SYNE2: variants seen among roughly 807,000 people sequenced by gnomAD.
SYNE2 encodes the protein spectrin repeat containing nuclear envelope protein 2.
SYNE2 carries 431 observed loss-of-function variants against 856.3 expected under a neutral mutation model. The observed-to-expected ratio is 0.50, with a 90% confidence interval of 0.47 to 0.55. The LOEUF is 0.55. SYNE2 is among the 20% of genes least tolerant of loss of function. SYNE2 has a pLI of 0.00. For synonymous variants in SYNE2, 2,923 were observed against 2,872.3 expected, an observed-to-expected ratio of 1.02 and a Z score of -0.56; for missense variants, 8,129 against 8,023.2, an observed-to-expected ratio of 1.01 and a Z score of -0.50.
intron 84 of SYNE2, among the ~76,000 whole-genome samples, chr14:64,150,093 C>G (rs868334504): frequency 2.8e-5 from 4 of 140,670 alleles, no homozygotes; most frequent in Non-Finnish European, 3.0e-5. Context: ...CTCACTTCAG[C>G]CTTGAGCTCC....
At position 63,994,064 on chromosome 14, in the gene SYNE2, G is replaced by A. The variant is rs540701942; in HGVS notation, c.2781+95G>A. 341 of 1,308,098 alleles carry A rather than the reference G, an allele frequency of 2.6e-4. 4 individuals are homozygous for A. In the South Asian group the frequency reaches 3.3e-3, roughly 13 times the overall value. 81.0% of individuals were successfully genotyped at this position (1,308,098 alleles called of 1,614,324 possible). ...CCATTCCTGGGGTTTTCCTGTCTAC[G>A]TTGTATCACCAGTGGGCTGGTCCCT... On this transcript the variant is annotated intron_variant, in intron 22 of 115. Coordinates refer to ENST00000555002, the MANE Select transcript of SYNE2 (RefSeq NM_182914.3).
At position 64,225,957 on chromosome 14, in the gene SYNE2, G is replaced by C. The variant is rs898607593; in HGVS notation, c.*431G>C. On this transcript the variant is annotated 3_prime_UTR_variant, in exon 116 of 116. Transcript: ENST00000555002. The stretch of plus-strand genomic sequence containing the variant: ...GTTCAGAAACTCATAGGCACCCTTA[G>C]CTGATGGAAACAATCAATCATATTT... The C allele has an allele frequency of 3.0e-6, 1 of 333,806 alleles. No individual in the cohort carries two copies. The highest frequency in any genetic ancestry group is 5.5e-6 in the Non-Finnish European group (1 of 180,998). The allele number at this position is 333,806 out of a possible 1,614,324, so 20.7% of individuals were successfully genotyped here.
intron 78 of SYNE2, 108 bp downstream of exon 78, chr14:64,134,308 G>A: frequency 8.6e-7 from 1 of 1,169,500 alleles, no homozygotes; most frequent in South Asian, 1.2e-5. Flanking sequence ...GAAACAAAAT[G>A]TTCATCATAC....
At chr14:64,129,734 C>T (rs2153678254) in intron 74 of SYNE2, 48 bp from the exon 75 acceptor site, 4 of 1,612,300 alleles carry the variant, frequency 2.5e-6, no homozygotes, top group Non-Finnish European at 3.4e-6. Context: ...ATGTGTACTT[C>T]TCTGACTTAC....
chr14:64,093,868 G>T (rs1257832963), intron 61 of SYNE2, among the ~76,000 whole-genome samples: 2 of 152,128 alleles, frequency 1.3e-5, no homozygotes, highest in African/African-American at 4.8e-5. Flanking sequence ...TGGTACCAAA[G>T]AACCTGATAT....
Position 64,219,288 on chromosome 14 carries a change from A to G in SYNE2, c.19738A>G (p.Asn6580Asp), listed in dbSNP as rs1304115322. The part of the protein sequence containing the change: ...LKIKQNLQQL[N>D]SDISAITTWL... ...AATAAAACAAAATTTGCAACAGCTG[A>G]ACTCTGATATCAGCGCCATCACTAC... Residue 6580 changes from asparagine to aspartate, a missense_variant, in exon 110 of 116, where the codon AAC (asparagine) becomes GAC (aspartate). Asn to Asp is a conservative substitution (Grantham distance 23). Coordinates refer to ENST00000555002, the MANE Select transcript of SYNE2 (RefSeq NM_182914.3). 3 of 1,614,102 alleles carry G rather than the reference A, an allele frequency of 1.9e-6. No homozygotes were observed. In the Admixed American group the frequency reaches 5.0e-5, roughly 27 times the overall value.
At chr14:63,942,754 C>G in intron 6 of SYNE2, among the ~76,000 whole-genome samples, 1 of 151,920 alleles carries the variant, frequency 6.6e-6, no homozygotes, top group East Asian at 1.9e-4. Flanking sequence ...CTCTGCCTCC[C>G]AAAGTGCTGA....
rs747343341 is a variant in SYNE2 at position 64,025,358 on chromosome 14, C to G, written c.6189C>G (p.Ser2063=). 1 of 1,613,778 alleles carries G rather than the reference C, an allele frequency of 6.2e-7. No homozygotes were observed. Among genetic ancestry groups the G allele is most frequent in the Non-Finnish European group, 8.5e-7 (1 of 1,179,966 alleles). The part of the protein sequence containing the change: ...VIHWIKEIKE[S]LMVLNSSEGK... ...ATTGGATAAAAGAGATTAAAGAGTCCCTTATGGTTTTGAATTCATCCGAAG... is the reference window on the plus strand; with the variant it reads ...ATTGGATAAAAGAGATTAAAGAGTCGCTTATGGTTTTGAATTCATCCGAAG... The change falls in exon 41 of 116, where the codon TCC becomes TCG. Residue 2063 remains serine (S), a synonymous_variant. Coordinates refer to ENST00000555002, the MANE Select transcript of SYNE2 (RefSeq NM_182914.3).
At chr14:64,182,866 A>C (rs558246478) in intron 96 of SYNE2, among the ~76,000 whole-genome samples, 9 of 152,360 alleles carry the variant, frequency 5.9e-5, no homozygotes, top group African/African-American at 2.2e-4. Context: ...AAACCGCCAT[A>C]GTCATCATGG....
At chr14:64,113,027 C>G in intron 65 of SYNE2, 1 of 983,856 alleles carries the variant, frequency 1.0e-6, no homozygotes, top group Non-Finnish European at 1.2e-6. Context: ...ATGTTTCGGA[C>G]ACACACACAC....
chr14:64,224,181 C>CAAAAAA (rs35804232), intron 113 of SYNE2, among the ~76,000 whole-genome samples: 16 of 74,740 alleles, frequency 2.1e-4, no homozygotes, highest in Admixed American at 5.0e-4. Context: ...CCCGTCTCTG[C>CAAAAAA]AAAAAAAAAA....
intron 1 of SYNE2, among the ~76,000 whole-genome samples, chr14:63,817,822 A>C (rs144477045): frequency 4.0e-5 from 6 of 150,666 alleles, no homozygotes; most frequent in South Asian, 2.1e-4. Context: ...CCAGGAGTTC[A>C]AGATCAGCTT....
intron 45 of SYNE2, among the ~76,000 whole-genome samples, chr14:64,035,418 C>T (rs1209200421): frequency 1.3e-5 from 2 of 151,988 alleles, no homozygotes; most frequent in Admixed American, 1.3e-4. Flanking sequence ...GTCCTACTTG[C>T]CCTTTCTGGC....
intron 2 of SYNE2, among the ~76,000 whole-genome samples, chr14:63,924,715 C>A (rs1193518150): frequency 6.6e-6 from 1 of 151,632 alleles, no homozygotes; most frequent in Non-Finnish European, 1.5e-5. Flanking sequence ...TTGTATCTTG[C>A]AGCCTTGCTA....
chr14:63,833,768 A>T (rs1176308681), intron 1 of SYNE2, among the ~76,000 whole-genome samples: 1 of 152,182 alleles, frequency 6.6e-6, no homozygotes, highest in African/African-American at 2.4e-5. Flanking sequence ...ATATCATGCT[A>T]ACTGTGCGAT....
intron 1 of SYNE2, among the ~76,000 whole-genome samples, chr14:63,876,582 G>C (rs918737815): frequency 6.6e-6 from 1 of 151,648 alleles, no homozygotes; most frequent in Non-Finnish European, 1.5e-5. Flanking sequence ...CCGCCTCCCA[G>C]GTTCATGCCA....
At chr14:63,946,709 A>G (rs1425098562) in intron 6 of SYNE2, among the ~76,000 whole-genome samples, 1 of 149,538 alleles carries the variant, frequency 6.7e-6, no homozygotes, top group Non-Finnish European at 1.5e-5. Flanking sequence ...TATACTGGAC[A>G]AAAGTCCTTT....
chr14:63,860,827 A>T (rs1162593113), intron 1 of SYNE2, among the ~76,000 whole-genome samples: 1 of 152,236 alleles, frequency 6.6e-6, no homozygotes, highest in African/African-American at 2.4e-5. Context: ...GTCTAGAAGC[A>T]GAAAGGCCCA....
At chr14:63,951,621 A>G (rs1276741030) in intron 7 of SYNE2, among the ~76,000 whole-genome samples, 1 of 152,048 alleles carries the variant, frequency 6.6e-6, no homozygotes, top group Non-Finnish European at 1.5e-5. Context: ...CTTTTCTTTA[A>G]TTGTCATTCG....
Sources: allele counts gnomAD v4.1 joint callset (sites outside exome capture counted in the v4.1 genomes callset), GRCh38; gene constraint gnomAD v4.1.1; transcripts MANE v1.5; gene names NCBI Gene and HGNC (gene_info 2026-07-23, HGNC 2026-07-21).